Variants in RAPGEF4 observed in about 807,000 individuals in gnomAD.
RAPGEF4 encodes the protein Rap guanine nucleotide exchange factor 4.
In RAPGEF4, 66 loss-of-function variants were observed where a neutral mutation model predicts 147.9. The observed-to-expected ratio is 0.45, with a 90% confidence interval of 0.37 to 0.55. The LOEUF is 0.55. Among genes scored for constraint, RAPGEF4 ranks in the 20% least tolerant of loss-of-function variants. The pLI is 0.00. For missense variants in RAPGEF4, 1,071 were observed against 1,257.3 expected (o/e 0.85, Z 2.24); for synonymous variants, 419 against 442.7 (o/e 0.95, Z 0.67).
chr2:172,974,922 G>A (rs186075504), intron 10 of RAPGEF4, among the ~76,000 whole-genome samples: 1 of 152,088 alleles, frequency 6.6e-6, no homozygotes, highest in Admixed American at 6.5e-5. Flanking sequence ...GTTTTACTAT[G>A]TATTGTCAGG....
Position 173,052,568 on chromosome 2 carries a change from T to C in RAPGEF4, c.*801T>C, listed in dbSNP as rs1454254763. On this transcript the variant is annotated 3_prime_UTR_variant, in exon 31 of 31. Transcript: ENST00000397081. Reference sequence around the variant, plus strand: ...TCCTGGGCATTAAAAACCTTTACTATTGGCTACAAATTTATTGTACCTGAT... The same window carrying C: ...TCCTGGGCATTAAAAACCTTTACTACTGGCTACAAATTTATTGTACCTGAT... The C allele has an allele frequency of 6.6e-6, 1 of 152,618 alleles. No homozygotes were observed. Among genetic ancestry groups the C allele is most frequent in the South Asian group, 2.1e-4 (1 of 4,830 alleles). The allele number at this position is 152,618 out of a possible 1,614,324, so 9.5% of individuals were successfully genotyped here.
At chr2:172,827,953 C>T (rs1689857027) in intron 4 of RAPGEF4, among the ~76,000 whole-genome samples, 1 of 152,120 alleles carries the variant, frequency 6.6e-6, no homozygotes, top group South Asian at 2.1e-4. Context: ...GCCCTTACAT[C>T]CTTTTCTAGT....
chr2:172,870,275 A>G (rs568266654), intron 4 of RAPGEF4, among the ~76,000 whole-genome samples: 1 of 152,314 alleles, frequency 6.6e-6, no homozygotes, highest in African/African-American at 2.4e-5. Context: ...ATATATGCAT[A>G]TGATCAGCCA....
chr2:172,748,039 G>GTATATATACAC (rs1574679206), intron 1 of RAPGEF4, among the ~76,000 whole-genome samples: 1 of 152,238 alleles, frequency 6.6e-6, no homozygotes, highest in East Asian at 1.9e-4. Flanking sequence ...TATTCATTGT[G>GTATATATACAC]TATATATACA....
At chr2:173,037,071 C>T (rs1684111716) in intron 29 of RAPGEF4, among the ~76,000 whole-genome samples, 1 of 152,150 alleles carries the variant, frequency 6.6e-6, no homozygotes, top group Non-Finnish European at 1.5e-5. Flanking sequence ...GACTTCAGTG[C>T]CCGTAGGTAA....
chr2:172,790,234 C>T (rs1220330651), intron 1 of RAPGEF4, among the ~76,000 whole-genome samples: 1 of 152,024 alleles, frequency 6.6e-6, no homozygotes, highest in South Asian at 2.1e-4. Context: ...ATCCGTTGGC[C>T]ATTTGTATGT....
At chr2:172,881,629 C>T (rs1235177500) in intron 4 of RAPGEF4, among the ~76,000 whole-genome samples, 3 of 152,256 alleles carry the variant, frequency 2.0e-5, no homozygotes, top group Non-Finnish European at 4.4e-5. Context: ...TGTGTGAGCT[C>T]AGTTTCATCT....
chr2:172,762,395 A>G (rs948052854), intron 1 of RAPGEF4, among the ~76,000 whole-genome samples: 2 of 152,178 alleles, frequency 1.3e-5, no homozygotes, highest in Admixed American at 6.5e-5. Flanking sequence ...GGAGAATCAC[A>G]TATTTATCAC....
At chr2:172,994,208 G>A (rs1012074854) in intron 15 of RAPGEF4, among the ~76,000 whole-genome samples, 1 of 152,174 alleles carries the variant, frequency 6.6e-6, no homozygotes, top group African/African-American at 2.4e-5. Flanking sequence ...TCATGTTATG[G>A]AATGTACATA....
intron 10 of RAPGEF4, among the ~76,000 whole-genome samples, chr2:172,967,991 G>C (rs531900003): frequency 2.0e-5 from 3 of 152,290 alleles, no homozygotes; most frequent in African/African-American, 7.2e-5. Context: ...TCTCCCTTCT[G>C]TCTCAGCTGA....
At chr2:172,738,591 A>G (rs1179128629) in intron 1 of RAPGEF4, among the ~76,000 whole-genome samples, 2 of 151,758 alleles carry the variant, frequency 1.3e-5, no homozygotes, top group Non-Finnish European at 2.9e-5. Flanking sequence ...TCCCAACCAC[A>G]AATTCCTCTT....
intron 1 of RAPGEF4, among the ~76,000 whole-genome samples, chr2:172,745,125 C>CT (rs35648661): frequency 2.0e-5 from 3 of 152,002 alleles, no homozygotes; most frequent in South Asian, 2.1e-4. Context: ...GAAACATTTC[C>CT]TTTTTTCCTA....
At position 173,036,198 on chromosome 2, in the gene RAPGEF4, C is replaced by T. The variant is rs1185276258; in HGVS notation, c.2774C>T (p.Pro925Leu). The change falls in exon 28 of 31, where the codon CCT (proline) becomes CTT (leucine). Residue 925 changes from proline to leucine, a missense_variant. By Grantham distance (98) the Pro-to-Leu change is moderately conservative. Transcript: ENST00000397081. ...KLEPPLIPFM[P>L]LLIKDMTFTH... ...GAACCTCCTCTCATCCCCTTCATGCCTTTGCTCATTAAAGGTAATCCTAAT... is the reference window on the plus strand; with the variant it reads ...GAACCTCCTCTCATCCCCTTCATGCTTTTGCTCATTAAAGGTAATCCTAAT... 6 of 1,609,566 alleles carry T rather than the reference C, an allele frequency of 3.7e-6. No homozygotes were observed. The highest frequency in any genetic ancestry group is 5.1e-6 in the Non-Finnish European group (6 of 1,176,420).
chr2:173,018,747 C>G lies in RAPGEF4; in HGVS notation c.2100C>G (p.Ala700=). ...TGAAGGAAGTCATCAGTGCAGTTGC[C>G]GACAAGCTGGGCTCCGGGGAGGGCC... The part of the protein sequence containing the change: ...TSVKEVISAV[A]DKLGSGEGLI... Residue 700 remains alanine (A), a synonymous_variant, in exon 22 of 31, where the codon GCC becomes GCG. Coordinates refer to ENST00000397081, the MANE Select transcript of RAPGEF4 (RefSeq NM_007023.4). 1 of 1,614,050 alleles carries G rather than the reference C, an allele frequency of 6.2e-7. No homozygotes were observed. The highest frequency in any genetic ancestry group is 8.5e-7 in the Non-Finnish European group (1 of 1,180,004).
intron 3 of RAPGEF4, among the ~76,000 whole-genome samples, chr2:172,813,090 T>C (rs1404364225): frequency 6.6e-6 from 1 of 152,248 alleles, no homozygotes; most frequent in Non-Finnish European, 1.5e-5. Context: ...TGGTAATATC[T>C]GTGCAGAAGC....
rs1250239443 is a variant in RAPGEF4, at chr2:173,014,351, T to C, written c.1659-113T>C. On this transcript the variant is annotated intron_variant, in intron 17 of 30. Transcript: ENST00000397081. ...TCATGAGGGCCTAGGGGAGGAATTC[T>C]ATCCATCTAAAAGCCTGGCTTTCTG... 9 of 1,336,712 alleles carry C rather than the reference T, an allele frequency of 6.7e-6. No homozygotes were observed. The East Asian group carries it at 2.1e-4, about 31-fold the overall frequency. The allele number at this position is 1,336,712 out of a possible 1,614,324, so 82.8% of individuals were successfully genotyped here. A position where few individuals can be genotyped will look rare whatever the true frequency, so the allele number is the denominator to read the frequency against.
At chr2:172,885,797 A>G (rs891370568) in intron 4 of RAPGEF4, among the ~76,000 whole-genome samples, 7 of 152,166 alleles carry the variant, frequency 4.6e-5, no homozygotes, top group African/African-American at 1.7e-4. Context: ...GAGTCAAACC[A>G]TATCACCCTG....
At chr2:172,885,005 C>A (rs796077007) in intron 4 of RAPGEF4, among the ~76,000 whole-genome samples, 9 of 152,324 alleles carry the variant, frequency 5.9e-5, no homozygotes, top group African/African-American at 2.2e-4. Context: ...GTGGACTGCC[C>A]CCTGTCCCCT....
At chr2:172,909,414 CAT>C (rs1433388402) in intron 4 of RAPGEF4, among the ~76,000 whole-genome samples, 1 of 152,216 alleles carries the variant, frequency 6.6e-6, no homozygotes, top group Non-Finnish European at 1.5e-5. Context: ...GAGCCAAAGA[CAT>C]AGCTCTTTCC....
Sources: gnomAD v4.1 joint callset for allele counts (sites outside exome capture counted in the v4.1 genomes callset) on GRCh38, gnomAD v4.1.1 for gene constraint, MANE v1.5 for transcripts, NCBI Gene and HGNC (gene_info 2026-07-23, HGNC 2026-07-21) for gene names.